RAPGEF5: variants seen among roughly 807,000 people sequenced by gnomAD.
The protein encoded by RAPGEF5 is Rap guanine nucleotide exchange factor 5.
RAPGEF5 carries 65 observed loss-of-function variants against 125.2 expected under a neutral mutation model. That is an observed-to-expected ratio of 0.52 (90% CI 0.43 to 0.64). The LOEUF is 0.64. Ranked by LOEUF, RAPGEF5 falls within the 30% of genes least tolerant of loss-of-function variation. The pLI is 0.00. For missense variants in RAPGEF5, 958 were observed against 1,048.1 expected, an observed-to-expected ratio of 0.91 and a Z score of 1.19; for synonymous variants, 391 against 385.9, an observed-to-expected ratio of 1.01 and a Z score of -0.16.
intron 6 of RAPGEF5, among the ~76,000 whole-genome samples, chr7:22,280,712 T>C (rs536841524): frequency 1.3e-5 from 2 of 152,350 alleles, no homozygotes; most frequent in South Asian, 2.1e-4. Flanking sequence ...TGGAAACATA[T>C]AGGTACAAAA....
intron 5 of RAPGEF5, among the ~76,000 whole-genome samples, chr7:22,297,320 A>G (rs1196426631): frequency 6.6e-6 from 1 of 152,214 alleles, no homozygotes. Flanking sequence ...TTTTATCAGG[A>G]GCAAAGATAG....
intron 14 of RAPGEF5, among the ~76,000 whole-genome samples, chr7:22,159,873 C>T (rs1045782269): frequency 7.2e-5 from 11 of 152,124 alleles, no homozygotes. Context: ...CTTTGGGAGG[C>T]TGAGGTGGGC....
chr7:22,341,393 C>A (rs955896769), intron 1 of RAPGEF5, among the ~76,000 whole-genome samples: 7 of 152,170 alleles, frequency 4.6e-5, no homozygotes, highest in African/African-American at 1.7e-4. Context: ...GGGGACACAG[C>A]CAAACCATAT....
chr7:22,345,296 T>G (rs1046145443), intron 1 of RAPGEF5, among the ~76,000 whole-genome samples: 2 of 152,226 alleles, frequency 1.3e-5, no homozygotes, highest in Non-Finnish European at 2.9e-5. Flanking sequence ...TTACTTAATT[T>G]CTACCAATAT....
chr7:22,141,897 T>G (rs562774780), intron 20 of RAPGEF5, among the ~76,000 whole-genome samples: 22 of 152,326 alleles, frequency 1.4e-4, no homozygotes, highest in African/African-American at 5.3e-4. Flanking sequence ...TACCTCCCAG[T>G]CTGTGACTGG....
chr7:22,211,613 C>CGA (rs1785508005), intron 9 of RAPGEF5, among the ~76,000 whole-genome samples: 1 of 152,162 alleles, frequency 6.6e-6, no homozygotes, highest in Non-Finnish European at 1.5e-5. Flanking sequence ...AATGTGAAAT[C>CGA]GACAGAGAGG....
At chr7:22,227,230 AT>A (rs1583497505) in intron 8 of RAPGEF5, among the ~76,000 whole-genome samples, 1 of 151,922 alleles carries the variant, frequency 6.6e-6, no homozygotes, top group African/African-American at 2.4e-5. Flanking sequence ...AAAAAAAAAA[AT>A]TAAAAAGTTA....
At position 22,252,658 on chromosome 7, in the gene RAPGEF5, G is replaced by A. The variant is rs116579713; in HGVS notation, c.796+14306C>T. Among the ~76,000 whole-genome samples, 1,356 of 152,202 alleles carry A rather than the reference G, an allele frequency of 8.9e-3. 33 individuals are homozygous for A. The highest frequency in any genetic ancestry group is 0.031 in the African/African-American group (1,295 of 41,534). On this transcript the variant is annotated intron_variant, in intron 7 of 25. Transcript: ENST00000665637. ...TCATCAGGAGAAATCTGTGAAAAGG[G>A]CTATTTTCTTTTATAGTATGCCATT...
At chr7:22,145,344 G>A (rs1783401886) in intron 19 of RAPGEF5, 122 bp from the exon 20 acceptor site, 2 of 889,576 alleles carry the variant, frequency 2.2e-6, no homozygotes, top group African/African-American at 3.4e-5. Flanking sequence ...CACTAACAGA[G>A]AACATGGTGA....
chr7:22,137,038 G>A, intron 21 of RAPGEF5, 55 bp from the exon 22 acceptor site: 1 of 1,363,012 alleles, frequency 7.3e-7, no homozygotes, highest in Non-Finnish European at 1.0e-6. Flanking sequence ...GTTATTTTCA[G>A]AGGCATCGAA....
intron 1 of RAPGEF5, among the ~76,000 whole-genome samples, chr7:22,329,257 A>AT (rs919480647): frequency 9.9e-5 from 15 of 152,082 alleles, no homozygotes; most frequent in African/African-American, 3.4e-4. Context: ...CACAACCCTA[A>AT]TTTTTTTCAA....
rs182946381 is a variant in RAPGEF5, at chr7:22,313,801, T to C, written c.389+1569A>G. ...ATTTAGTTTTTTTAAAAAGGAGAAGTCAGATGTTTCTAAAGGTGATGCCAT... is the reference window on the plus strand; with the variant it reads ...ATTTAGTTTTTTTAAAAAGGAGAAGCCAGATGTTTCTAAAGGTGATGCCAT... On this transcript the variant is annotated intron_variant, in intron 3 of 25. Coordinates refer to ENST00000665637, the MANE Select transcript of RAPGEF5 (RefSeq NM_012294.5). Among the ~76,000 whole-genome samples, 275 of 152,334 alleles carry C rather than the reference T, an allele frequency of 1.8e-3. 2 individuals carry two copies. The highest frequency in any genetic ancestry group is 1.0e-3 in the Non-Finnish European group (71 of 68,024).
chr7:22,173,497 G>T (rs868415945), intron 11 of RAPGEF5, among the ~76,000 whole-genome samples: 2 of 152,072 alleles, frequency 1.3e-5, no homozygotes, highest in Non-Finnish European at 2.9e-5. Context: ...CTTATTTAAC[G>T]CTGTTTATAT....
chr7:22,210,433 T>C (rs1234700452), intron 9 of RAPGEF5, among the ~76,000 whole-genome samples: 1 of 151,808 alleles, frequency 6.6e-6, no homozygotes, highest in Non-Finnish European at 1.5e-5. Flanking sequence ...CTCTCTTTGA[T>C]GGTGGAGGGC....
At chr7:22,253,886 G>C (rs1224161225) in intron 7 of RAPGEF5, among the ~76,000 whole-genome samples, 2 of 152,152 alleles carry the variant, frequency 1.3e-5, no homozygotes, top group Non-Finnish European at 2.9e-5. Flanking sequence ...ATGGTGCTAC[G>C]TTAAAAGAAG....
At chr7:22,352,151 G>A (rs1338830741) in intron 1 of RAPGEF5, among the ~76,000 whole-genome samples, 3 of 152,194 alleles carry the variant, frequency 2.0e-5, no homozygotes, top group Non-Finnish European at 2.9e-5. Flanking sequence ...AGACGTTGAA[G>A]ACAGTGGCAG....
intron 1 of RAPGEF5, among the ~76,000 whole-genome samples, chr7:22,339,412 G>A (rs553159955): frequency 8.5e-5 from 13 of 152,340 alleles, no homozygotes; most frequent in East Asian, 1.9e-4. Flanking sequence ...CCTGAAGAGC[G>A]TCCGGATGCA....
chr7:22,341,749 T>A (rs770727985), intron 1 of RAPGEF5, among the ~76,000 whole-genome samples: 32 of 152,238 alleles, frequency 2.1e-4, no homozygotes, highest in Non-Finnish European at 4.0e-4. Context: ...ACTCCATGTC[T>A]CAAATCCAGG....
intron 14 of RAPGEF5, 83 bp from the exon 15 acceptor site, chr7:22,157,968 G>C: frequency 7.7e-7 from 1 of 1,296,134 alleles, no homozygotes; most frequent in Admixed American, 1.9e-5. Context: ...TAATTTTCCA[G>C]CACTAGGCAG....
Sources: allele counts gnomAD v4.1 joint callset (sites outside exome capture counted in the v4.1 genomes callset), GRCh38; gene constraint gnomAD v4.1.1; transcripts MANE v1.5; gene names NCBI Gene and HGNC (gene_info 2026-07-23, HGNC 2026-07-21).